PDHX: variants seen among roughly 807,000 people sequenced by gnomAD.
The protein encoded by PDHX is pyruvate dehydrogenase complex component X.
Under a neutral mutation model 55.3 loss-of-function variants are expected in PDHX, and 33 were observed. That is an observed-to-expected ratio of 0.60 (90% CI 0.45 to 0.80). PDHX has a LOEUF of 0.80. Ranked by LOEUF, PDHX falls within the 30% of genes least tolerant of loss-of-function variation. The probability of loss-of-function intolerance (pLI) is 0.00; values close to 1 mark genes in which losing one functional copy is unlikely to be tolerated. For missense variants in PDHX, 622 were observed against 619.9 expected (o/e 1.00, Z -0.04); for synonymous variants, 226 against 219.4 (o/e 1.03, Z -0.27).
At chr11:34,973,995 T>G (rs1354290157) in intron 7 of PDHX, among the ~76,000 whole-genome samples, 1 of 152,226 alleles carries the variant, frequency 6.6e-6, no homozygotes, top group Non-Finnish European at 1.5e-5. Flanking sequence ...TTCACATTGT[T>G]CCTTTTTAAA....
rs144700572 is a variant in PDHX at position 34,964,079 on chromosome 11, G to A, written c.642-2561G>A. On this transcript the variant is annotated intron_variant, in intron 5 of 10. Transcript: ENST00000227868. ...GGTTGTACCTGAGTTAACTTCCAGA[G>A]CATCCTCTGCCTATCTGCCTATTTC... Among the ~76,000 whole-genome samples the A allele has an allele frequency of 1.4e-3, 219 of 152,296 alleles. 1 individual carries two copies. Among genetic ancestry groups the A allele is most frequent in the African/African-American group, 5.0e-3 (208 of 41,572 alleles).
rs191679807 is a variant in PDHX at position 34,972,587 on chromosome 11, C to T, written c.964+2301C>T. Among the ~76,000 whole-genome samples, 181 of 151,876 alleles carry T rather than the reference C, an allele frequency of 1.2e-3. 1 individual carries two copies. Among genetic ancestry groups the T allele is most frequent in the African/African-American group, 3.9e-3 (160 of 41,408 alleles). On this transcript the variant is annotated intron_variant, in intron 7 of 10. Transcript: ENST00000227868. ...TAATTGTTTGTATTTTTACTAGAGACGGTGTTTTAGCATGTTGGCCACGCT... is the reference window on the plus strand; with the variant it reads ...TAATTGTTTGTATTTTTACTAGAGATGGTGTTTTAGCATGTTGGCCACGCT...
At chr11:34,985,021 A>G (rs1855610041) in intron 9 of PDHX, 1 of 338,670 alleles carries the variant, frequency 3.0e-6, no homozygotes. Flanking sequence ...GAATTCAGCC[A>G]TAAAGATGCT....
chr11:34,935,428 A>T (rs1356074059), intron 2 of PDHX, among the ~76,000 whole-genome samples: 1 of 152,214 alleles, frequency 6.6e-6, no homozygotes, highest in Non-Finnish European at 1.5e-5. Flanking sequence ...ATACAGAAGG[A>T]TAGAGGAACA....
intron 3 of PDHX, 74 bp downstream of exon 3, chr11:34,947,680 C>G (rs771503084): frequency 3.4e-5 from 34 of 1,000,138 alleles, no homozygotes; most frequent in Non-Finnish European, 5.3e-5. Context: ...GTAAAATTAC[C>G]TTTTATTTTT....
At chr11:34,916,213 T>C (rs1410574793), upstream of PDHX, 1 of 1,607,116 alleles carries the variant, frequency 6.2e-7, no homozygotes, top group Non-Finnish European at 8.5e-7. Context: ...CGGGCACCGG[T>C]GGCCCCGCCC....
chr11:34,950,090 A>C (rs565833167), intron 3 of PDHX, among the ~76,000 whole-genome samples: 2 of 152,192 alleles, frequency 1.3e-5, no homozygotes, highest in South Asian at 4.2e-4. Context: ...TTTTCTAAAG[A>C]ATACATTTTT....
chr11:34,975,020 T>C (rs901578952), intron 7 of PDHX, among the ~76,000 whole-genome samples: 1 of 152,206 alleles, frequency 6.6e-6, no homozygotes, highest in African/African-American at 2.4e-5. Flanking sequence ...TTATCATTTT[T>C]AAGAATTATT....
intron 3 of PDHX, 80 bp downstream of exon 3, chr11:34,947,686 T>C (rs1854657247): frequency 1.1e-6 from 1 of 922,032 alleles, no homozygotes; most frequent in South Asian, 1.3e-5. Context: ...TTACCTTTTA[T>C]TTTTGCCTCC....
intron 2 of PDHX, among the ~76,000 whole-genome samples, chr11:34,936,647 GC>G (rs1204517316): frequency 6.6e-6 from 1 of 152,056 alleles, no homozygotes; most frequent in Admixed American, 6.6e-5. Context: ...GGACATAATG[GC>G]TGTAAGATCA....
At chr11:34,940,241 C>A (rs188910660) in intron 2 of PDHX, among the ~76,000 whole-genome samples, 6 of 152,296 alleles carry the variant, frequency 3.9e-5, no homozygotes, top group African/African-American at 1.2e-4. Context: ...AGTAAGCATG[C>A]TTAACAGTGG....
intron 5 of PDHX, among the ~76,000 whole-genome samples, chr11:34,961,297 GTTTGTGTC>G (rs1470583145): frequency 6.6e-6 from 1 of 152,152 alleles, no homozygotes; most frequent in Non-Finnish European, 1.5e-5. Flanking sequence ...TAGTTTAAAT[GTTTGTGTC>G]TTTCAAAACA....
chr11:34,986,882 C>T (rs997251749), intron 9 of PDHX, among the ~76,000 whole-genome samples: 6 of 152,210 alleles, frequency 3.9e-5, no homozygotes, highest in African/African-American at 1.2e-4. Context: ...CTACCTGCTT[C>T]TCTTTCCCAC....
intron 1 of PDHX, among the ~76,000 whole-genome samples, chr11:34,925,219 T>C (rs1052077726): frequency 3.9e-5 from 6 of 152,222 alleles, no homozygotes; most frequent in Admixed American, 3.9e-4. Flanking sequence ...TCCTCAGCTA[T>C]GTAGATTGAA....
chr11:34,972,258 T>C (rs1389779356), intron 7 of PDHX, among the ~76,000 whole-genome samples: 7 of 152,128 alleles, frequency 4.6e-5, no homozygotes, highest in Non-Finnish European at 8.8e-5. Flanking sequence ...TGCTTTCAGT[T>C]TACTTTGCTC....
intron 2 of PDHX, among the ~76,000 whole-genome samples, chr11:34,938,487 A>T (rs751577183): frequency 6.6e-6 from 1 of 152,218 alleles, no homozygotes; most frequent in Non-Finnish European, 1.5e-5. Context: ...TAATGTAATC[A>T]GTTGGAATGT....
At chr11:34,969,795 G>GTA (rs1590759154) in intron 6 of PDHX, among the ~76,000 whole-genome samples, 1 of 152,032 alleles carries the variant, frequency 6.6e-6, no homozygotes, top group African/African-American at 2.4e-5. Flanking sequence ...GTGTGTGTAC[G>GTA]TATATATACA....
chr11:34,991,857 C>T (rs1430506038), intron 9 of PDHX, among the ~76,000 whole-genome samples: 3 of 145,868 alleles, frequency 2.1e-5, no homozygotes, highest in African/African-American at 7.9e-5. Flanking sequence ...TTGCAATAGG[C>T]CATAATCACA....
rs777172235 is a variant in PDHX at position 34,994,879 on chromosome 11, C to T, written c.1248-35C>T. ...ACGGAAAGGGGACTTTGATTAAGGA[C>T]ATGCCTCCTTCAGAGCTTTTTCTTT... On this transcript the variant is annotated intron_variant, in intron 10 of 10. Transcript: ENST00000227868. 7 of 1,612,336 alleles carry T rather than the reference C, an allele frequency of 4.3e-6. No individual in the cohort carries two copies. The East Asian group carries it at 1.3e-4, about 31-fold the overall frequency.
Sources: gnomAD v4.1 joint callset for allele counts (sites outside exome capture counted in the v4.1 genomes callset) on GRCh38, gnomAD v4.1.1 for gene constraint, MANE v1.5 for transcripts, NCBI Gene and HGNC (gene_info 2026-07-23, HGNC 2026-07-21) for gene names.